The following ANTXR1 variants were observed in gnomAD, a reference collection of about 807,000 sequenced individuals.
The protein encoded by ANTXR1 is ANTXR cell adhesion molecule 1, also known as anthrax toxin receptor 1.
Under a neutral mutation model 78.1 loss-of-function variants are expected in ANTXR1, and 19 were observed. The observed-to-expected ratio is 0.24, with a 90% CI of 0.17 to 0.36. ANTXR1 has a LOEUF of 0.36. ANTXR1 is among the 10% of genes least tolerant of loss of function. The probability of loss-of-function intolerance (pLI) is 1.00; values close to 1 mark genes in which losing one functional copy is unlikely to be tolerated. For synonymous variants in ANTXR1, 273 were observed against 260.5 expected (o/e 1.05, Z -0.46); for missense variants, 518 against 718.6 (o/e 0.72, Z 3.19).
At chr2:69,036,356 G>C (rs1417560712) in intron 1 of ANTXR1, among the ~76,000 whole-genome samples, 1 of 152,140 alleles carries the variant, frequency 6.6e-6, no homozygotes, top group Non-Finnish European at 1.5e-5. Context: ...TTTATCCTTT[G>C]TGTAACAAAC....
chr2:69,186,331 G>C (rs563460461), intron 16 of ANTXR1, among the ~76,000 whole-genome samples: 1 of 152,346 alleles, frequency 6.6e-6, no homozygotes, highest in South Asian at 2.1e-4. Flanking sequence ...CTTGCTTCCA[G>C]AATCTCAGGG....
intron 16 of ANTXR1, among the ~76,000 whole-genome samples, chr2:69,183,813 C>T (rs117611773): frequency 6.6e-6 from 1 of 152,272 alleles, no homozygotes; most frequent in East Asian, 1.9e-4. Flanking sequence ...AACATCTGCA[C>T]TATGCCACTT....
chr2:69,013,228 G>A lies in ANTXR1; in HGVS notation c.-272G>A. On this transcript the variant is annotated 5_prime_UTR_variant, in exon 1 of 18. Coordinates refer to ENST00000303714, the MANE Select transcript of ANTXR1 (RefSeq NM_032208.3). The surrounding 1 kb of genome is among the most constrained non-coding windows in gnomAD (Gnocchi z 5.0). The stretch of plus-strand genomic sequence containing the variant: ...CTCGGCGCGGCCTCGGGAGCTGCCC[G>A]GCGGCCCCGGACCGAGGCAGCCCTC... The A allele has an allele frequency of 3.8e-6, 2 of 528,624 alleles. No homozygotes were observed. Among genetic ancestry groups the A allele is most frequent in the Non-Finnish European group, 6.8e-6 (2 of 295,378 alleles). The allele number at this position is 528,624 out of a possible 1,614,324, so 32.7% of individuals were successfully genotyped here. A position where few individuals can be genotyped will look rare whatever the true frequency, so the allele number is the denominator to read the frequency against.
At position 69,175,805 on chromosome 2, in the gene ANTXR1, C is replaced by G. The variant is rs564859057; in HGVS notation, c.1089+5516C>G. 4.6e-5 allele frequency among the ~76,000 whole-genome samples: 7 copies of G among 152,148 alleles called. No individual in the cohort carries two copies. The East Asian group carries it at 1.4e-3, about 29-fold the overall frequency. Reference sequence around the variant, plus strand: ...TGCCCATCCAGTGAACAATAGGCACCTGGCTTTGAAGGATGAGCTTATTTT... The same window carrying G: ...TGCCCATCCAGTGAACAATAGGCACGTGGCTTTGAAGGATGAGCTTATTTT... On this transcript the variant is annotated intron_variant, in intron 14 of 17. Transcript: ENST00000303714.
intron 17 of ANTXR1, among the ~76,000 whole-genome samples, chr2:69,207,233 T>A (rs1397949805): frequency 6.6e-6 from 1 of 152,246 alleles, no homozygotes; most frequent in Non-Finnish European, 1.5e-5. Context: ...TCCAAAAGAA[T>A]TCTCTTGCTC....
chr2:69,066,274 C>T (rs1266121992), intron 3 of ANTXR1, among the ~76,000 whole-genome samples: 2 of 151,736 alleles, frequency 1.3e-5, no homozygotes, highest in Admixed American at 1.3e-4. Context: ...TATGTGTGTC[C>T]ATCTTTTATT....
intron 1 of ANTXR1, among the ~76,000 whole-genome samples, chr2:69,025,531 G>A (rs953555535): frequency 3.9e-5 from 6 of 152,144 alleles, no homozygotes; most frequent in South Asian, 2.1e-4. Context: ...AAAGGATTAT[G>A]ATCAGAATCA....
At chr2:69,172,505 C>T in intron 14 of ANTXR1, 1 of 1,449,230 alleles carries the variant, frequency 6.9e-7, no homozygotes, top group East Asian at 2.5e-5. Context: ...CCTCTAGTTC[C>T]CTGTATTCAA....
chr2:69,173,990 A>G (rs550535595), intron 14 of ANTXR1, among the ~76,000 whole-genome samples: 1 of 152,218 alleles, frequency 6.6e-6, no homozygotes, highest in Non-Finnish European at 1.5e-5. Flanking sequence ...TTGCAATGAA[A>G]AACAAAACAT....
chr2:69,102,897 C>G lies in ANTXR1; in HGVS notation c.759C>G (p.Asp253Glu). The G allele has an allele frequency of 6.2e-7, 1 of 1,614,152 alleles. No homozygotes were observed. Among genetic ancestry groups the G allele is most frequent in the Non-Finnish European group, 8.5e-7 (1 of 1,180,032 alleles). Residue 253 changes from aspartate to glutamate, a missense_variant, in exon 10 of 18, where the codon GAC becomes GAG. Asp to Glu is a conservative substitution (Grantham distance 45). Around this residue, in one of 5 missense-constraint regions of ANTXR1, gnomAD observed 264 missense variants for 391.8 expected, o/e 0.67. Transcript: ENST00000303714. Reference protein sequence around the residue: ...GNGFRHARNVDRVLCSFKIND... With the variant: ...GNGFRHARNVERVLCSFKIND... ...GCTTCCGACATGCCCGCAACGTGGACAGGGTCCTCTGCAGCTTCAAGATCA... is the reference window on the plus strand; with the variant it reads ...GCTTCCGACATGCCCGCAACGTGGAGAGGGTCCTCTGCAGCTTCAAGATCA...
chr2:69,107,808 T>G lies in ANTXR1; in HGVS notation c.802+4868T>G, dbSNP rs189832577. ...GATATTAAAATTCATTATCTGTTCCTAATTTTAAAAATATATTTCTAGTAA... is the reference window on the plus strand; with the variant it reads ...GATATTAAAATTCATTATCTGTTCCGAATTTTAAAAATATATTTCTAGTAA... On this transcript the variant is annotated intron_variant, in intron 10 of 17. Transcript: ENST00000303714. 3.3e-3 allele frequency among the ~76,000 whole-genome samples: 498 copies of G among 152,032 alleles called. 1 individual carries two copies. Among genetic ancestry groups the G allele is most frequent in the Non-Finnish European group, 6.0e-3 (408 of 68,002 alleles).
chr2:69,193,521 G>C, intron 17 of ANTXR1, 106 bp downstream of exon 17: 1 of 1,066,098 alleles, frequency 9.4e-7, no homozygotes, highest in Non-Finnish European at 1.4e-6. Flanking sequence ...TCTTTGTAGA[G>C]CTAAAATAAC....
intron 3 of ANTXR1, among the ~76,000 whole-genome samples, chr2:69,048,142 A>G (rs762573951): frequency 6.6e-6 from 1 of 152,186 alleles, no homozygotes; most frequent in Admixed American, 6.5e-5. Flanking sequence ...CATTAATTGA[A>G]ATACTTCAAA....
At chr2:69,133,181 C>G (rs1245658356) in intron 12 of ANTXR1, among the ~76,000 whole-genome samples, 1 of 152,180 alleles carries the variant, frequency 6.6e-6, no homozygotes, top group Admixed American at 6.5e-5. Context: ...ATGATTAGCT[C>G]AGTCCCAAAA....
intron 10 of ANTXR1, among the ~76,000 whole-genome samples, chr2:69,107,322 C>T (rs1278848724): frequency 6.6e-6 from 1 of 152,154 alleles, no homozygotes; most frequent in African/African-American, 2.4e-5. Context: ...TCACTGTAAC[C>T]TCTGCCTCCC....
At chr2:69,133,969 TG>T (rs1305114927) in intron 12 of ANTXR1, among the ~76,000 whole-genome samples, 1 of 152,170 alleles carries the variant, frequency 6.6e-6, no homozygotes, top group African/African-American at 2.4e-5. Context: ...AGAGCTGACA[TG>T]GGGCCTGGCA....
chr2:69,023,195 A>G (rs1402105302), intron 1 of ANTXR1, among the ~76,000 whole-genome samples: 1 of 152,216 alleles, frequency 6.6e-6, no homozygotes, highest in Non-Finnish European at 1.5e-5. Context: ...TCTGCCTCAC[A>G]AAAGTGTTGT....
At chr2:69,032,507 G>A (rs968607599) in intron 1 of ANTXR1, among the ~76,000 whole-genome samples, 2 of 151,972 alleles carry the variant, frequency 1.3e-5, no homozygotes, top group Non-Finnish European at 2.9e-5. Context: ...ACTCTCACCC[G>A]ACGATGTTGA....
intron 1 of ANTXR1, among the ~76,000 whole-genome samples, chr2:69,017,112 G>T (rs1044648016): frequency 1.3e-5 from 2 of 152,188 alleles, no homozygotes; most frequent in African/African-American, 4.8e-5. Flanking sequence ...GTGCGGTAGT[G>T]CACACTCCAC....
Sources: gnomAD v4.1 joint callset for allele counts (sites outside exome capture counted in the v4.1 genomes callset) on GRCh38, gnomAD v4.1.1 for gene constraint, gnomAD v4.1.1 regional missense constraint, Gnocchi (gnomAD v3.1) non-coding constraint, MANE v1.5 for transcripts, NCBI Gene and HGNC (gene_info 2026-07-23, HGNC 2026-07-21) for gene names.